MAPRE2: variants seen among roughly 807,000 people sequenced by gnomAD.
The protein encoded by MAPRE2 is microtubule-associated protein RP/EB family member 2.
In MAPRE2, 13 loss-of-function variants were observed where a neutral mutation model predicts 43.2. The ratio of observed to expected loss-of-function variants is 0.30; its 90% CI spans 0.20 to 0.48. MAPRE2 has a LOEUF of 0.48. MAPRE2 is among the 20% of genes least tolerant of loss of function. MAPRE2 has a pLI of 0.99. For missense variants in MAPRE2, 161 were observed against 400.2 expected, an observed-to-expected ratio of 0.40 and a Z score of 5.10; for synonymous variants, 135 against 148.8, an observed-to-expected ratio of 0.91 and a Z score of 0.68.
intron 1 of MAPRE2, among the ~76,000 whole-genome samples, chr18:35,058,409 T>C (rs1906347485): frequency 6.6e-6 from 1 of 150,996 alleles, no homozygotes; most frequent in Non-Finnish European, 1.5e-5. Context: ...GGCTTGTCTA[T>C]TTTTTTTTAA....
At chr18:35,011,501 C>A (rs1568971133) in intron 2 of MAPRE2, among the ~76,000 whole-genome samples, 1 of 152,142 alleles carries the variant, frequency 6.6e-6, no homozygotes. Flanking sequence ...CCTTGCCAGG[C>A]TAAAGAAGAA....
chr18:35,042,907 T>C (rs1425322130), intron 1 of MAPRE2, among the ~76,000 whole-genome samples: 1 of 138,558 alleles, frequency 7.2e-6, no homozygotes, highest in African/African-American at 2.9e-5. Context: ...GCCAAAGAAA[T>C]GCAGTATTTG....
chr18:34,986,517 T>C (rs2097021096), intron 1 of MAPRE2, among the ~76,000 whole-genome samples: 1 of 152,202 alleles, frequency 6.6e-6, no homozygotes, highest in African/African-American at 2.4e-5. Flanking sequence ...GGCTCTTCGG[T>C]AGTTTCACTT....
At chr18:35,067,349 G>A (rs1906881149) in intron 1 of MAPRE2, among the ~76,000 whole-genome samples, 2 of 152,310 alleles carry the variant, frequency 1.3e-5, no homozygotes, top group South Asian at 4.1e-4. Context: ...AATGTTATCA[G>A]CAAAGACCTG....
intron 4 of MAPRE2, among the ~76,000 whole-genome samples, chr18:35,104,030 G>C (rs1908793374): frequency 6.6e-6 from 1 of 152,094 alleles, no homozygotes; most frequent in Non-Finnish European, 1.5e-5. Flanking sequence ...TAAGGGGGAG[G>C]AGGAAGAAGA....
At chr18:35,112,240 A>G (rs1036603967) in intron 4 of MAPRE2, among the ~76,000 whole-genome samples, 12 of 147,856 alleles carry the variant, frequency 8.1e-5, no homozygotes, top group East Asian at 4.0e-4. Flanking sequence ...CTGGAGTGCA[A>G]TGGTGCAACC....
At chr18:35,120,008 G>T (rs1298559031) in intron 4 of MAPRE2, among the ~76,000 whole-genome samples, 1 of 152,156 alleles carries the variant, frequency 6.6e-6, no homozygotes, top group African/African-American at 2.4e-5. Flanking sequence ...CATGTATTAA[G>T]TCATGTACCC....
intron 2 of MAPRE2, among the ~76,000 whole-genome samples, chr18:35,014,537 T>G (rs1393395695): frequency 1.3e-5 from 2 of 152,096 alleles, no homozygotes; most frequent in Non-Finnish European, 2.9e-5. Flanking sequence ...GACTAATGCT[T>G]TATTTCTTTC....
chr18:34,984,733 AATAAT>A (rs1412990043), intron 1 of MAPRE2, among the ~76,000 whole-genome samples: 1 of 142,986 alleles, frequency 7.0e-6, no homozygotes, highest in Non-Finnish European at 1.5e-5. Context: ...TTCACATTTT[AATAAT>A]ATATTATTTA....
chr18:35,041,402 G>A (rs1035211914), upstream of MAPRE2: 12 of 1,520,584 alleles, frequency 7.9e-6, no homozygotes, highest in Middle Eastern at 3.7e-4. Flanking sequence ...CGGGGCGCGA[G>A]CGAGAGCTGG....
rs1283121704 is a variant in MAPRE2, at chr18:34,985,358, TA to T, written c.-70+8281del. 1.2e-4 allele frequency among the ~76,000 whole-genome samples: 5 copies of T among 41,252 alleles called. 1 individual carries two copies. Among genetic ancestry groups the T allele is most frequent in the Non-Finnish European group, 3.9e-5 (1 of 25,802 alleles). 27.1% of individuals were successfully genotyped at this position (41,252 alleles called of 152,430 possible). On this transcript the variant is annotated intron_variant, in intron 1 of 7. Coordinates refer to the MAPRE2 transcript ENST00000413393. ...TATATAATATATTATATTATATATA[TA>T]ATATAATATATAATATATTATTTTA...
intron 2 of MAPRE2, among the ~76,000 whole-genome samples, chr18:35,096,011 C>A (rs1908399692): frequency 6.6e-6 from 1 of 152,124 alleles, no homozygotes; most frequent in Non-Finnish European, 1.5e-5. Context: ...TACGCTCTTA[C>A]CTACAAAATA....
At chr18:35,019,579 T>C (rs1568973744) in intron 2 of MAPRE2, among the ~76,000 whole-genome samples, 1 of 152,040 alleles carries the variant, frequency 6.6e-6, no homozygotes, top group Non-Finnish European at 1.5e-5. Flanking sequence ...TTCTTCTTCT[T>C]TACTTTATGT....
intron 2 of MAPRE2, among the ~76,000 whole-genome samples, chr18:35,080,844 C>T (rs535710569): frequency 5.3e-5 from 8 of 151,878 alleles, no homozygotes; most frequent in Admixed American, 2.0e-4. Context: ...GAAACCATTA[C>T]GTAATTCTGA....
intron 1 of MAPRE2, among the ~76,000 whole-genome samples, chr18:34,985,530 AATATAAT>A (rs370042992): frequency 0.04 from 1,778 of 44,368 alleles, 65 homozygotes; most frequent in Middle Eastern, 0.088. Context: ...ATATATTATA[AATATAAT>A]ATATAATATA....
exon 2 of MAPRE2, chr18:35,005,539 G>T (rs1210299101): frequency 5.2e-6 from 8 of 1,543,148 alleles, no homozygotes; most frequent in African/African-American, 4.1e-5. Flanking sequence ...CAGGGAGAAA[G>T]CCTGGATGCT....
intron 2 of MAPRE2, among the ~76,000 whole-genome samples, chr18:35,087,529 A>C (rs1222187227): frequency 6.6e-6 from 1 of 152,178 alleles, no homozygotes; most frequent in Non-Finnish European, 1.5e-5. Flanking sequence ...GTCAATTCTT[A>C]AAAGAATTTT....
At chr18:35,129,039 GAAGA>G (rs141225439) in intron 5 of MAPRE2, among the ~76,000 whole-genome samples, 1,936 of 152,300 alleles carry the variant, frequency 0.013, 38 homozygotes, top group African/African-American at 0.045. Context: ...AACCGAGTGA[GAAGA>G]GAGAGGAATA....
intron 6 of MAPRE2, 24 bp from the exon 7 acceptor site, chr18:35,140,271 C>G: frequency 6.2e-7 from 1 of 1,608,138 alleles, no homozygotes; most frequent in South Asian, 1.1e-5. Context: ...ATTATCTCAG[C>G]TGAAACTTCT....
Sources: gnomAD v4.1 joint callset for allele counts (sites outside exome capture counted in the v4.1 genomes callset) on GRCh38, gnomAD v4.1.1 for gene constraint, MANE v1.5 for transcripts, NCBI Gene and HGNC (gene_info 2026-07-23, HGNC 2026-07-21) for gene names.